Variants in HCRTR2 observed in about 807,000 individuals in gnomAD.
The protein encoded by HCRTR2 is hypocretin receptor 2, also known as orexin receptor type 2.
HCRTR2 carries 22 observed loss-of-function variants against 49.0 expected under a neutral mutation model. That is an observed-to-expected ratio of 0.45 (90% CI 0.32 to 0.64). The LOEUF (loss-of-function observed/expected upper bound fraction) is 0.64, where lower values mean the gene tolerates loss of function less well. HCRTR2 is among the 30% of genes least tolerant of loss of function. HCRTR2 has a pLI of 0.04. For missense variants in HCRTR2, 491 were observed against 559.4 expected (o/e 0.88, Z 1.23); for synonymous variants, 236 against 205.3 (o/e 1.15, Z -1.28).
chr6:55,181,731 G>C (rs1765137476), intron 1 of HCRTR2, among the ~76,000 whole-genome samples: 1 of 152,200 alleles, frequency 6.6e-6, no homozygotes, highest in Admixed American at 6.5e-5. Flanking sequence ...GTCAGCTTGG[G>C]AAAAGCTTGC....
At chr6:55,251,218 T>C (rs1405277609) in intron 2 of HCRTR2, among the ~76,000 whole-genome samples, 1 of 152,134 alleles carries the variant, frequency 6.6e-6, no homozygotes, top group Non-Finnish European at 1.5e-5. Flanking sequence ...TTTGGTTGCA[T>C]TTTAGATTAC....
At chr6:55,211,416 T>C (rs999404082) in intron 1 of HCRTR2, among the ~76,000 whole-genome samples, 3 of 152,196 alleles carry the variant, frequency 2.0e-5, no homozygotes, top group Non-Finnish European at 4.4e-5. Flanking sequence ...CAACTTGGAA[T>C]TAATATGCTG....
intron 3 of HCRTR2, among the ~76,000 whole-genome samples, chr6:55,259,903 A>T (rs912236705): frequency 1.3e-5 from 2 of 152,122 alleles, no homozygotes; most frequent in African/African-American, 4.8e-5. Context: ...TTTCAATGGC[A>T]TATCTGAGTT....
At chr6:55,224,465 C>CA (rs916450207) in intron 1 of HCRTR2, among the ~76,000 whole-genome samples, 1 of 149,544 alleles carries the variant, frequency 6.7e-6, no homozygotes, top group Non-Finnish European at 1.5e-5. Flanking sequence ...AAAAAAAATA[C>CA]AAAAAAAATT....
chr6:55,273,561 G>A (rs1767015449), intron 4 of HCRTR2, among the ~76,000 whole-genome samples: 1 of 152,048 alleles, frequency 6.6e-6, no homozygotes, highest in African/African-American at 2.4e-5. Context: ...GCCCACTTCA[G>A]TGTAGCTTCA....
At chr6:55,156,389 C>A (rs1322104986) in intron 1 of HCRTR2, among the ~76,000 whole-genome samples, 1 of 152,022 alleles carries the variant, frequency 6.6e-6, no homozygotes, top group East Asian at 1.9e-4. Context: ...ACAACAATTT[C>A]TGTGGAGTTA....
At chr6:55,180,461 G>A (rs1386482499) in intron 1 of HCRTR2, among the ~76,000 whole-genome samples, 1 of 152,214 alleles carries the variant, frequency 6.6e-6, no homozygotes, top group Non-Finnish European at 1.5e-5. Flanking sequence ...CAGTTCTTCA[G>A]CTCTGAGGAT....
intron 3 of HCRTR2, among the ~76,000 whole-genome samples, chr6:55,257,801 A>G (rs893058308): frequency 1.3e-5 from 2 of 151,916 alleles, no homozygotes; most frequent in African/African-American, 4.8e-5. Flanking sequence ...AAACTATTTG[A>G]AGGTGATTTT....
chr6:55,224,437 G>A (rs1454539184), intron 1 of HCRTR2, among the ~76,000 whole-genome samples: 1 of 148,564 alleles, frequency 6.7e-6, no homozygotes, highest in Non-Finnish European at 1.5e-5. Context: ...CTAACACGGT[G>A]AAACCCCATC....
chr6:55,181,098 G>A (rs1205332299), intron 1 of HCRTR2, among the ~76,000 whole-genome samples: 1 of 151,872 alleles, frequency 6.6e-6, no homozygotes, highest in African/African-American at 2.4e-5. Context: ...GAGCCACTGT[G>A]CCTGACGTGA....
chr6:55,275,143 A>C (rs1036569779), intron 4 of HCRTR2, among the ~76,000 whole-genome samples: 1 of 152,196 alleles, frequency 6.6e-6, no homozygotes, highest in African/African-American at 2.4e-5. Flanking sequence ...ACATTTTTTA[A>C]GACAGAGTAG....
At chr6:55,223,673 T>G (rs1422716418) in intron 1 of HCRTR2, among the ~76,000 whole-genome samples, 1 of 152,198 alleles carries the variant, frequency 6.6e-6, no homozygotes, top group Non-Finnish European at 1.5e-5. Flanking sequence ...AATATTTTAG[T>G]TTTTCAACCT....
chr6:55,169,848 A>T (rs1285190857), upstream of HCRTR2, among the ~76,000 whole-genome samples: 5 of 152,150 alleles, frequency 3.3e-5, no homozygotes, highest in Non-Finnish European at 5.9e-5. Context: ...GAGATCATTG[A>T]GGCTAGACTA....
At chr6:55,151,007 T>C (rs1050594757) in intron 1 of HCRTR2, among the ~76,000 whole-genome samples, 3 of 152,060 alleles carry the variant, frequency 2.0e-5, no homozygotes, top group African/African-American at 7.2e-5. Flanking sequence ...TAGCTTTATA[T>C]CTAAAAATTA....
intron 1 of HCRTR2, among the ~76,000 whole-genome samples, chr6:55,205,216 T>C (rs1234297276): frequency 6.6e-6 from 1 of 152,222 alleles, no homozygotes; most frequent in Non-Finnish European, 1.5e-5. Context: ...GAGCACATAC[T>C]TGGTATCTAA....
intron 1 of HCRTR2, among the ~76,000 whole-genome samples, chr6:55,242,303 A>G (rs1766351455): frequency 6.6e-6 from 1 of 152,148 alleles, no homozygotes; most frequent in Admixed American, 6.6e-5. Context: ...ATCCACCTCC[A>G]GAACATTTAA....
At chr6:55,141,176 T>C (rs1197109896) in intron 1 of HCRTR2, among the ~76,000 whole-genome samples, 2 of 55,438 alleles carry the variant, frequency 3.6e-5, no homozygotes, top group South Asian at 5.4e-4. Flanking sequence ...CTACTAAAAA[T>C]ACAAAAAAAA....
chr6:55,172,902 A>G (rs201968166), upstream of HCRTR2, among the ~76,000 whole-genome samples: 1 of 152,200 alleles, frequency 6.6e-6, no homozygotes, highest in South Asian at 2.1e-4. Context: ...AATTACATAT[A>G]AAAACTGGTT....
At chr6:55,147,317 T>C (rs560581600) in intron 1 of HCRTR2, among the ~76,000 whole-genome samples, 1 of 152,302 alleles carries the variant, frequency 6.6e-6, no homozygotes, top group Admixed American at 6.5e-5. Flanking sequence ...GTTGTTACTC[T>C]TTCTAGTGAA....
Sources: gnomAD v4.1 joint callset for allele counts (sites outside exome capture counted in the v4.1 genomes callset) on GRCh38, gnomAD v4.1.1 for gene constraint, MANE v1.5 for transcripts, NCBI Gene and HGNC (gene_info 2026-07-23, HGNC 2026-07-21) for gene names.